PHF2: variants seen among roughly 807,000 people sequenced by gnomAD.
The protein encoded by PHF2 is PHD finger protein 2, also known as lysine-specific demethylase PHF2.
Under a neutral mutation model 120.5 loss-of-function variants are expected in PHF2, and 27 were observed. That is an observed-to-expected ratio of 0.22 (90% confidence interval 0.17 to 0.31). The LOEUF (loss-of-function observed/expected upper bound fraction) is 0.31, where lower values mean the gene tolerates loss of function less well. PHF2 is among the 10% of genes least tolerant of loss of function. The pLI, the probability that PHF2 is intolerant of heterozygous loss-of-function variation, is 1.00. For missense variants in PHF2, 1,024 were observed against 1,434.8 expected (o/e 0.71, Z 4.63); for synonymous variants, 568 against 592.5 (o/e 0.96, Z 0.60).
chr9:93,662,098 A>G (rs1052145611), intron 12 of PHF2, among the ~76,000 whole-genome samples: 4 of 145,532 alleles, frequency 2.7e-5, no homozygotes, highest in Non-Finnish European at 6.1e-5. Context: ...TGGATGAACA[A>G]ATGGGTGGGT....
At chr9:93,676,448 C>T in intron 20 of PHF2, 146 bp from the exon 21 acceptor site, 1 of 899,292 alleles carries the variant, frequency 1.1e-6, no homozygotes. Flanking sequence ...TGCTGTGCCC[C>T]TGGCGGCCCA....
intron 1 of PHF2, among the ~76,000 whole-genome samples, chr9:93,626,728 G>A (rs565262060): frequency 6.6e-6 from 1 of 152,178 alleles, no homozygotes; most frequent in Non-Finnish European, 1.5e-5. Context: ...TATTTAGGTT[G>A]CCAATCCATT....
chr9:93,648,480 G>A (rs930514369), intron 4 of PHF2, among the ~76,000 whole-genome samples: 2 of 152,212 alleles, frequency 1.3e-5, no homozygotes. Context: ...GCAGTTTGTG[G>A]TCAGAGCAGC....
At chr9:93,584,819 G>C (rs1385080546) in intron 1 of PHF2, among the ~76,000 whole-genome samples, 1 of 152,204 alleles carries the variant, frequency 6.6e-6, no homozygotes, top group Non-Finnish European at 1.5e-5. Context: ...TCAGCCTGTA[G>C]ATTGCTTTGT....
chr9:93,647,392 G>A (rs1461184646), intron 4 of PHF2, among the ~76,000 whole-genome samples: 1 of 152,196 alleles, frequency 6.6e-6, no homozygotes, highest in African/African-American at 2.4e-5. Flanking sequence ...TGTCCCTGCA[G>A]AAGCAGGGAG....
intron 1 of PHF2, among the ~76,000 whole-genome samples, chr9:93,590,246 C>T (rs1266488055): frequency 6.6e-6 from 1 of 152,220 alleles, no homozygotes; most frequent in Admixed American, 6.5e-5. Flanking sequence ...GTGCAGTTAT[C>T]TAATTATTGA....
intron 14 of PHF2, 31 bp from the exon 15 acceptor site, chr9:93,665,655 G>T: frequency 6.2e-7 from 1 of 1,606,982 alleles, no homozygotes; most frequent in Non-Finnish European, 8.5e-7. Context: ...GGGCTATGTG[G>T]ATGCTGCTGA....
intron 12 of PHF2, among the ~76,000 whole-genome samples, 185 bp downstream of exon 12, chr9:93,660,745 T>A (rs2117993436): frequency 6.6e-6 from 1 of 152,284 alleles, no homozygotes; most frequent in Admixed American, 6.5e-5. Context: ...CCTTGCCTGG[T>A]CCTGACCCAG....
At chr9:93,591,270 A>C (rs1825216864) in intron 1 of PHF2, among the ~76,000 whole-genome samples, 1 of 152,208 alleles carries the variant, frequency 6.6e-6, no homozygotes, top group Admixed American at 6.5e-5. Flanking sequence ...TAGATGCCAA[A>C]TGTGTATTAT....
At chr9:93,654,692 G>T (rs1826427794) in intron 7 of PHF2, 117 bp downstream of exon 7, 2 of 975,480 alleles carry the variant, frequency 2.1e-6, no homozygotes, top group Non-Finnish European at 1.6e-6. Flanking sequence ...TCCCTGGCAT[G>T]CCTGCTCCCT....
At chr9:93,629,847 C>T (rs1206933022) in intron 1 of PHF2, 123 bp from the exon 2 acceptor site, 2 of 878,404 alleles carry the variant, frequency 2.3e-6, no homozygotes, top group African/African-American at 3.3e-5. Context: ...CCCTGCACAG[C>T]TGTGCTCCAT....
intron 1 of PHF2, among the ~76,000 whole-genome samples, chr9:93,619,954 G>C (rs572595295): frequency 3.3e-5 from 5 of 152,294 alleles, no homozygotes; most frequent in African/African-American, 9.6e-5. Flanking sequence ...TCCTGGTCTG[G>C]TCTGCCCTGA....
At chr9:93,645,899 G>A (rs1587703298) in intron 4 of PHF2, 110 bp downstream of exon 4, 1 of 1,234,032 alleles carries the variant, frequency 8.1e-7, no homozygotes, top group East Asian at 2.6e-5. Flanking sequence ...TGTGTGCCGT[G>A]AGCAGTGGAG....
chr9:93,646,620 C>T (rs1483060635), intron 4 of PHF2, among the ~76,000 whole-genome samples: 2 of 152,168 alleles, frequency 1.3e-5, no homozygotes, highest in Non-Finnish European at 2.9e-5. Context: ...GTGCACCCTT[C>T]ATGGGGTGTG....
At position 93,663,639 on chromosome 9, in the gene PHF2, T is replaced by C; in HGVS notation, c.1937+4T>C. ...TCTCCAACAAGAAACTCCTCGGGTA[T>C]GTGAGTGCCTGGATGGGAGGGGTGA... On this transcript the variant is annotated splice_donor_region_variant and intron_variant, in intron 14 of 21. Coordinates refer to ENST00000359246, the MANE Select transcript of PHF2 (RefSeq NM_005392.4). 6.4e-7 allele frequency: 1 copy of C among 1,572,948 alleles called. No homozygotes were observed. Among genetic ancestry groups the C allele is most frequent in the South Asian group, 1.1e-5 (1 of 89,296 alleles).
At chr9:93,617,762 C>A (rs1825752163) in intron 1 of PHF2, among the ~76,000 whole-genome samples, 1 of 152,168 alleles carries the variant, frequency 6.6e-6, no homozygotes, top group Admixed American at 6.5e-5. Flanking sequence ...AATGTGGAGT[C>A]CAGTGTTCGA....
chr9:93,621,502 G>GA (rs1419750651), intron 1 of PHF2, among the ~76,000 whole-genome samples: 3 of 152,238 alleles, frequency 2.0e-5, no homozygotes, highest in African/African-American at 7.2e-5. Flanking sequence ...CTGGAAGGAG[G>GA]AAGCCCACAA....
chr9:93,651,117 G>A (rs1248353487), intron 5 of PHF2, among the ~76,000 whole-genome samples: 1 of 148,768 alleles, frequency 6.7e-6, no homozygotes, highest in East Asian at 1.9e-4. Flanking sequence ...AAAAAAAAAG[G>A]TAATGGGCAT....
chr9:93,618,835 GGTGT>G (rs968213878), intron 1 of PHF2, among the ~76,000 whole-genome samples: 9 of 137,966 alleles, frequency 6.5e-5, no homozygotes, highest in African/African-American at 2.2e-4. Context: ...TGATGTGTGT[GGTGT>G]GTGTGTGTGC....
Sources: gnomAD v4.1 joint callset for allele counts (sites outside exome capture counted in the v4.1 genomes callset) on GRCh38, gnomAD v4.1.1 for gene constraint, MANE v1.5 for transcripts, NCBI Gene and HGNC (gene_info 2026-07-23, HGNC 2026-07-21) for gene names.